The following MICU3 variants were observed in gnomAD, a reference collection of about 807,000 sequenced individuals.
The protein encoded by MICU3 is calcium uptake protein 3, mitochondrial.
MICU3 carries 62 observed loss-of-function variants against 66.5 expected under a neutral mutation model. The ratio of observed to expected loss-of-function variants is 0.93; its 90% CI spans 0.76 to 1.15. MICU3 has a LOEUF of 1.15. Ranked by LOEUF, MICU3 falls within the 50% of genes most tolerant of loss-of-function variation. The probability of loss-of-function intolerance (pLI) is 0.00; values close to 1 mark genes in which losing one functional copy is unlikely to be tolerated. For synonymous variants in MICU3, 308 were observed against 240.7 expected, an observed-to-expected ratio of 1.28 and a Z score of -2.59; for missense variants, 779 against 664.4, an observed-to-expected ratio of 1.17 and a Z score of -1.90.
chr8:17,138,308 T>C, the MICU3 span, among the ~76,000 whole-genome samples: 1 of 152,088 alleles, frequency 6.6e-6, no homozygotes, highest in African/African-American at 2.4e-5. Context: ...CAAGATGTTA[T>C]AATGTTTTTA....
At chr8:17,029,434 C>G (rs1811627386) in intron 1 of MICU3, among the ~76,000 whole-genome samples, 1 of 152,154 alleles carries the variant, frequency 6.6e-6, no homozygotes, top group East Asian at 1.9e-4. Context: ...CGAAATCACA[C>G]CTCTGCACCC....
chr8:17,126,053 C>T (rs970699366), downstream of MICU3, among the ~76,000 whole-genome samples: 2 of 127,828 alleles, frequency 1.6e-5, no homozygotes, highest in African/African-American at 5.8e-5. Flanking sequence ...AAAAAAAAAA[C>T]CTCTCTCTGA....
At chr8:17,040,812 C>T (rs766994704) in intron 1 of MICU3, among the ~76,000 whole-genome samples, 29 of 152,238 alleles carry the variant, frequency 1.9e-4, no homozygotes, top group Admixed American at 5.2e-4. Flanking sequence ...CAGTGACCAA[C>T]CTCTGTCTGA....
chr8:17,118,632 G>T, intron 13 of MICU3, 75 bp from the exon 14 acceptor site: 3 of 951,878 alleles, frequency 3.2e-6, no homozygotes, highest in East Asian at 2.6e-5. Context: ...TGACTTTTTA[G>T]ATTCCACATG....
the MICU3 span, chr8:17,132,410 C>T: frequency 6.6e-6 from 1 of 152,190 alleles, no homozygotes; most frequent in African/African-American, 2.4e-5. Context: ...TCCAAGTCCT[C>T]AATTATCCTG....
In MICU3 at chr8:17,102,382, CT is replaced by C. The variant is rs1330076245; in HGVS notation, c.985-2003del. 2.0e-5 allele frequency: 3 copies of C among 151,866 alleles called. No homozygotes were observed. The East Asian group carries it at 5.8e-4, about 29-fold the overall frequency. The allele number at this position is 151,866 out of a possible 1,614,324, so 9.4% of individuals were successfully genotyped here. A position where few individuals can be genotyped will look rare whatever the true frequency, so the allele number is the denominator to read the frequency against. On this transcript the variant is annotated intron_variant, in intron 9 of 14. Coordinates refer to ENST00000318063, the MANE Select transcript of MICU3 (RefSeq NM_181723.3). ...AGTGCCTATAATTAATACCAGATTTCTTTTTTCCCAAAAGTTATTTGCATCT... is the reference window on the plus strand; with the variant it reads ...AGTGCCTATAATTAATACCAGATTTCTTTTTCCCAAAAGTTATTTGCATCT...
chr8:17,045,605 G>C (rs957149331), intron 1 of MICU3, among the ~76,000 whole-genome samples: 1 of 152,202 alleles, frequency 6.6e-6, no homozygotes, highest in South Asian at 2.1e-4. Context: ...CCTGGAGGGT[G>C]GCATACCCGG....
chr8:17,036,741 C>G (rs2150504312), intron 1 of MICU3, among the ~76,000 whole-genome samples: 1 of 152,332 alleles, frequency 6.6e-6, no homozygotes, highest in East Asian at 1.9e-4. Flanking sequence ...ACTCAGGAGC[C>G]CAGCTGGCCT....
At chr8:17,029,282 C>G (rs1217212617) in intron 1 of MICU3, among the ~76,000 whole-genome samples, 1 of 152,188 alleles carries the variant, frequency 6.6e-6, no homozygotes, top group Non-Finnish European at 1.5e-5. Context: ...TCGAGACAAG[C>G]CTGGCCAACA....
intron 7 of MICU3, among the ~76,000 whole-genome samples, chr8:17,088,614 T>G (rs1465198815): frequency 2.6e-5 from 4 of 152,002 alleles, no homozygotes; most frequent in Non-Finnish European, 5.9e-5. Context: ...TTTCAGTGGA[T>G]ATAAATATAA....
chr8:17,043,288 T>A (rs1250309225), intron 1 of MICU3, among the ~76,000 whole-genome samples: 1 of 152,254 alleles, frequency 6.6e-6, no homozygotes, highest in East Asian at 1.9e-4. Context: ...AAGGTCCTTA[T>A]AATTTAGGCA....
At chr8:17,038,125 C>G (rs768700731) in intron 1 of MICU3, among the ~76,000 whole-genome samples, 9 of 152,036 alleles carry the variant, frequency 5.9e-5, no homozygotes, top group Admixed American at 1.3e-4. Flanking sequence ...TGAGTTAAGA[C>G]TTTGGGGGAC....
chr8:17,122,225 C>G lies in MICU3; in HGVS notation c.*1938C>G, dbSNP rs1185561706. The G allele has an allele frequency of 6.6e-6, 1 of 151,642 alleles. No individual in the cohort carries two copies. The highest frequency in any genetic ancestry group is 1.5e-5 in the Non-Finnish European group (1 of 67,704). The allele number at this position is 151,642 out of a possible 1,614,324, so 9.4% of individuals were successfully genotyped here. A position where few individuals can be genotyped will look rare whatever the true frequency, so the allele number is the denominator to read the frequency against. On this transcript the variant is annotated 3_prime_UTR_variant, in exon 15 of 15. Coordinates refer to ENST00000318063, the MANE Select transcript of MICU3 (RefSeq NM_181723.3). ...ATTAAAATGTGAATAAATAAATGTT[C>G]TGATAAAATAGAAAAGAAAGTAAAT... is the stretch of plus-strand genomic sequence containing the variant.
chr8:17,043,491 T>A (rs1814558868), intron 1 of MICU3, among the ~76,000 whole-genome samples: 2 of 152,228 alleles, frequency 1.3e-5, no homozygotes, highest in African/African-American at 4.8e-5. Flanking sequence ...CTTAAAAATA[T>A]AGTCATAAGG....
intron 3 of MICU3, among the ~76,000 whole-genome samples, chr8:17,072,022 T>C (rs1360478775): frequency 6.6e-6 from 1 of 151,928 alleles, no homozygotes; most frequent in Non-Finnish European, 1.5e-5. Context: ...ACCAAATTGA[T>C]CCGAAATTAA....
chr8:17,129,160 C>T, the MICU3 span, among the ~76,000 whole-genome samples: 3 of 152,252 alleles, frequency 2.0e-5, no homozygotes, highest in South Asian at 2.1e-4. Context: ...CTATCAGTAC[C>T]GCAGCTACCT....
the MICU3 span, among the ~76,000 whole-genome samples, chr8:17,136,899 A>G: frequency 6.7e-6 from 1 of 148,206 alleles, no homozygotes; most frequent in African/African-American, 2.5e-5. Flanking sequence ...CAATGGCGTG[A>G]TCTCAGCTCA....
intron 11 of MICU3, among the ~76,000 whole-genome samples, chr8:17,112,269 T>A (rs1367427508): frequency 6.6e-6 from 1 of 152,220 alleles, no homozygotes; most frequent in Non-Finnish European, 1.5e-5. Flanking sequence ...TATTTTTTGA[T>A]GTTTTCAGCT....
chr8:17,044,364 GTT>G (rs1291743454), intron 1 of MICU3, among the ~76,000 whole-genome samples: 1 of 152,202 alleles, frequency 6.6e-6, no homozygotes, highest in Non-Finnish European at 1.5e-5. Context: ...GAAGCAGTCT[GTT>G]AGGATCTACA....
Sources: gnomAD v4.1 joint callset for allele counts (sites outside exome capture counted in the v4.1 genomes callset) on GRCh38, gnomAD v4.1.1 for gene constraint, MANE v1.5 for transcripts, NCBI Gene and HGNC (gene_info 2026-07-23, HGNC 2026-07-21) for gene names.